The following SHISA9 variants were observed in gnomAD, a reference collection of about 807,000 sequenced individuals.
SHISA9 encodes the protein protein shisa-9.
SHISA9 carries 13 observed loss-of-function variants against 38.0 expected under a neutral mutation model. The observed-to-expected ratio is 0.34, with a 90% CI of 0.22 to 0.54. The LOEUF (loss-of-function observed/expected upper bound fraction) is 0.54. SHISA9 is among the 20% of genes least tolerant of loss of function. The pLI is 0.91. For synonymous variants in SHISA9, 275 were observed against 242.0 expected, an observed-to-expected ratio of 1.14 and a Z score of -1.27; for missense variants, 538 against 575.8, an observed-to-expected ratio of 0.93 and a Z score of 0.67.
chr16:13,363,864 A>G, the SHISA9 span, among the ~76,000 whole-genome samples: 2 of 152,224 alleles, frequency 1.3e-5, no homozygotes, highest in South Asian at 4.1e-4. Context: ...GTCGAAGAGT[A>G]GTCCAAAGAC....
intron 2 of SHISA9, among the ~76,000 whole-genome samples, chr16:12,997,362 G>T (rs543711312): frequency 6.7e-6 from 1 of 149,284 alleles, no homozygotes; most frequent in Middle Eastern, 3.5e-3. Flanking sequence ...TATCTATATA[G>T]TCTCCTGTTG....
At chr16:13,221,438 CTTTTTTT>C (rs72459669) in intron 4 of SHISA9, among the ~76,000 whole-genome samples, 7 of 134,990 alleles carry the variant, frequency 5.2e-5, no homozygotes, top group African/African-American at 1.9e-4. Context: ...AATACCTGGA[CTTTTTTT>C]TTTTTTTTTT....
chr16:12,984,876 G>A (rs1403916203), intron 2 of SHISA9, among the ~76,000 whole-genome samples: 2 of 152,152 alleles, frequency 1.3e-5, no homozygotes, highest in Non-Finnish European at 2.9e-5. Flanking sequence ...AAGGGTGCAG[G>A]CATAGAAGAG....
chr16:13,015,509 A>T (rs1396844277), intron 2 of SHISA9, among the ~76,000 whole-genome samples: 1 of 152,026 alleles, frequency 6.6e-6, no homozygotes, highest in Non-Finnish European at 1.5e-5. Flanking sequence ...TCTTTACTCC[A>T]CTCTATGCTC....
intron 1 of SHISA9, among the ~76,000 whole-genome samples, chr16:12,907,392 T>C (rs2071116498): frequency 6.8e-6 from 1 of 146,192 alleles, no homozygotes; most frequent in Non-Finnish European, 1.5e-5. Flanking sequence ...CTTCCTTCCC[T>C]CTTCCCCTCC....
the SHISA9 span, among the ~76,000 whole-genome samples, chr16:13,399,926 G>A: frequency 6.6e-6 from 1 of 152,308 alleles, no homozygotes; most frequent in East Asian, 1.9e-4. Flanking sequence ...GTCCATTTTG[G>A]CTGTTATGAT....
At chr16:13,272,879 T>A in the SHISA9 span, among the ~76,000 whole-genome samples, 1 of 152,204 alleles carries the variant, frequency 6.6e-6, no homozygotes, top group Non-Finnish European at 1.5e-5. Flanking sequence ...AGATTTTTTT[T>A]ATTCTCTGCA....
chr16:13,169,459 T>A (rs544101568), intron 2 of SHISA9, among the ~76,000 whole-genome samples: 2 of 152,228 alleles, frequency 1.3e-5, no homozygotes, highest in South Asian at 4.1e-4. Flanking sequence ...CCCTCTGGGG[T>A]ATTAATTAGA....
the SHISA9 span, among the ~76,000 whole-genome samples, chr16:13,388,590 ACTGTGC>A: frequency 1.3e-5 from 2 of 152,294 alleles, no homozygotes; most frequent in South Asian, 2.1e-4. Flanking sequence ...GACATGAGCC[ACTGTGC>A]CTGGCCAGCA....
At chr16:13,193,719 G>A (rs2050909868) in intron 2 of SHISA9, among the ~76,000 whole-genome samples, 1 of 152,170 alleles carries the variant, frequency 6.6e-6, no homozygotes, top group African/African-American at 2.4e-5. Flanking sequence ...AGAGAAAGGA[G>A]GGAGAATGAA....
intron 2 of SHISA9, among the ~76,000 whole-genome samples, chr16:12,947,862 T>C (rs2071707366): frequency 1.3e-5 from 2 of 152,148 alleles, no homozygotes; most frequent in South Asian, 4.1e-4. Flanking sequence ...ATCCCCCAAG[T>C]AGTGACCGTT....
intron 2 of SHISA9, among the ~76,000 whole-genome samples, chr16:13,185,392 G>C (rs2050811948): frequency 6.6e-6 from 1 of 152,042 alleles, no homozygotes; most frequent in South Asian, 2.1e-4. Context: ...TGGTAGAGAT[G>C]GAGGTCTTGC....
At chr16:13,144,412 A>C (rs572811825) in intron 2 of SHISA9, among the ~76,000 whole-genome samples, 1 of 151,876 alleles carries the variant, frequency 6.6e-6, no homozygotes, top group African/African-American at 2.4e-5. Flanking sequence ...CGGCCTCCCA[A>C]AGTGCTGGGA....
the SHISA9 span, among the ~76,000 whole-genome samples, chr16:13,376,166 T>C: frequency 3.3e-5 from 5 of 152,200 alleles, no homozygotes; most frequent in African/African-American, 1.2e-4. Flanking sequence ...CCACATCATT[T>C]TGGTTCACAT....
chr16:13,555,283 A>G, the SHISA9 span, among the ~76,000 whole-genome samples: 1 of 150,634 alleles, frequency 6.6e-6, no homozygotes, highest in African/African-American at 2.5e-5. Flanking sequence ...AAACTGTATC[A>G]TGAACACAAC....
chr16:13,124,902 A>T (rs1252550007), intron 2 of SHISA9, among the ~76,000 whole-genome samples: 1 of 152,212 alleles, frequency 6.6e-6, no homozygotes, highest in Non-Finnish European at 1.5e-5. Flanking sequence ...GTACTGGGAA[A>T]ACTGGATATC....
At chr16:13,150,082 C>T (rs142769219) in intron 2 of SHISA9, among the ~76,000 whole-genome samples, 382 of 141,070 alleles carry the variant, frequency 2.7e-3, no homozygotes, top group South Asian at 8.6e-3. Context: ...AGTTAAAAGT[C>T]CAGAGTGTCA....
At chr16:13,207,580 C>T (rs1002133454) in intron 3 of SHISA9, among the ~76,000 whole-genome samples, 2 of 151,868 alleles carry the variant, frequency 1.3e-5, no homozygotes, top group Admixed American at 1.3e-4. Context: ...GGTTGATGTA[C>T]CCCCTCCTGT....
the SHISA9 span, among the ~76,000 whole-genome samples, chr16:13,548,185 ATC>A: frequency 1.3e-5 from 2 of 152,192 alleles, no homozygotes. Flanking sequence ...ACTGGACCTT[ATC>A]TCTCACCATA....
Sources: gnomAD v4.1 joint callset for allele counts (sites outside exome capture counted in the v4.1 genomes callset) on GRCh38, gnomAD v4.1.1 for gene constraint, MANE v1.5 for transcripts, NCBI Gene and HGNC (gene_info 2026-07-23, HGNC 2026-07-21) for gene names.